The following ACO2 variants were observed in gnomAD, a reference collection of about 807,000 sequenced individuals.
ACO2 encodes the protein aconitate hydratase, mitochondrial.
Under a neutral mutation model 84.5 loss-of-function variants are expected in ACO2, and 31 were observed. The observed-to-expected ratio is 0.37, with a 90% CI of 0.28 to 0.50. The LOEUF (loss-of-function observed/expected upper bound fraction) is 0.50, where lower values mean the gene tolerates loss of function less well. ACO2 is among the 20% of genes least tolerant of loss of function. The pLI, the probability that ACO2 is intolerant of heterozygous loss-of-function variation, is 0.97. For missense variants in ACO2, 685 were observed against 1,029.3 expected (o/e 0.67, Z 4.58); for synonymous variants, 414 against 412.7 (o/e 1.00, Z -0.04).
intron 2 of ACO2, among the ~76,000 whole-genome samples, chr22:41,504,911 G>C (rs2066382037): frequency 6.6e-6 from 1 of 151,290 alleles, no homozygotes; most frequent in Admixed American, 6.6e-5. Context: ...TTTTGTACAG[G>C]TGGAGTTGCC....
chr22:41,517,976 G>C (rs1046293506), intron 7 of ACO2, among the ~76,000 whole-genome samples: 2 of 152,234 alleles, frequency 1.3e-5, no homozygotes, highest in African/African-American at 4.8e-5. Context: ...CGCTTCTGTT[G>C]ATAATTCCTG....
chr22:41,517,516 T>C lies in ACO2; in HGVS notation c.836-11T>C, dbSNP rs1314952610. On this transcript the variant is annotated splice_polypyrimidine_tract_variant and intron_variant, in intron 6 of 17. Transcript: ENST00000216254. ...CCACCAGCCAATGCCCGGGGCTCTG[T>C]TGCTCCACAGGCATGGCGACAATCT... 6.2e-7 allele frequency: 1 copy of C among 1,612,598 alleles called. No homozygotes were observed. The highest frequency in any genetic ancestry group is 1.3e-5 in the African/African-American group (1 of 74,916).
chr22:41,486,716 C>T (rs1181586828), intron 1 of ACO2, among the ~76,000 whole-genome samples: 4 of 151,940 alleles, frequency 2.6e-5, no homozygotes, highest in South Asian at 2.1e-4. Flanking sequence ...GTGATCCGCT[C>T]GCCTCGGCCT....
In ACO2 at chr22:41,499,708, T is replaced by C. The variant is rs768062936; in HGVS notation, c.37-18T>C. On this transcript the variant is annotated intron_variant, in intron 1 of 17. Coordinates refer to ENST00000216254, the MANE Select transcript of ACO2 (RefSeq NM_001098.3). Reference sequence around the variant, plus strand: ...CTAAGTGCTCCATTGACAGTGGCTGTCATGTTTCTTCTTGCAGAAAGCTCT... The same window carrying C: ...CTAAGTGCTCCATTGACAGTGGCTGCCATGTTTCTTCTTGCAGAAAGCTCT... 6.2e-7 allele frequency: 1 copy of C among 1,609,118 alleles called. No individual in the cohort carries two copies. The highest frequency in any genetic ancestry group is 1.7e-5 in the Admixed American group (1 of 59,890).
chr22:41,477,955 C>T (rs562303228), intron 1 of ACO2, among the ~76,000 whole-genome samples: 1 of 151,520 alleles, frequency 6.6e-6, no homozygotes. Context: ...GTCCCAGCTA[C>T]TTGGGAGGCT....
chr22:41,528,232 C>G, intron 17 of ACO2: 1 of 843,386 alleles, frequency 1.2e-6, no homozygotes, highest in Non-Finnish European at 1.8e-6. Context: ...TCCCCAACCT[C>G]CCTTTACTCA....
At position 41,483,171 on chromosome 22, in the gene ACO2, G is replaced by A. The variant is rs376420543; in HGVS notation, c.36+13989G>A. 2.6e-5 allele frequency among the ~76,000 whole-genome samples: 4 copies of A among 152,278 alleles called. No homozygotes were observed. The East Asian group carries it at 7.7e-4, about 29-fold the overall frequency. On this transcript the variant is annotated intron_variant, in intron 1 of 17. Coordinates refer to ENST00000216254, the MANE Select transcript of ACO2 (RefSeq NM_001098.3). ...TGAGGGCCTGGGATTTACCAGTGAG[G>A]ATTTTACAAGGCCTGAGACGTAGGC... is the stretch of plus-strand genomic sequence containing the variant.
Position 41,527,759 on chromosome 22 carries a change from G to C in ACO2, c.2087-142G>C, listed in dbSNP as rs1333010636. On this transcript the variant is annotated intron_variant, in intron 16 of 17. Coordinates refer to ENST00000216254, the MANE Select transcript of ACO2 (RefSeq NM_001098.3). ...GGGGCACCCCTAGTGAAAGGGAGCA[G>C]ACCAGGGCCCCATAGTCACTGCCCG... The C allele has an allele frequency of 1.2e-5, 17 of 1,400,918 alleles. No individual in the cohort carries two copies. In the South Asian group the frequency reaches 1.6e-4, roughly 13 times the overall value. The allele number at this position is 1,400,918 out of a possible 1,614,324, so 86.8% of individuals were successfully genotyped here.
intron 14 of ACO2, chr22:41,525,803 T>C (rs528599785): frequency 5.3e-4 from 108 of 205,172 alleles, no homozygotes; most frequent in Middle Eastern, 1.9e-3. Flanking sequence ...CAAGCCTTTT[T>C]GGTGTGGCCA....
intron 1 of ACO2, among the ~76,000 whole-genome samples, chr22:41,493,000 A>G (rs2066283868): frequency 6.6e-6 from 1 of 152,196 alleles, no homozygotes; most frequent in Non-Finnish European, 1.5e-5. Context: ...GAGGATGGGA[A>G]GTCCGAGATT....
chr22:41,493,199 G>A (rs919365721), intron 1 of ACO2, among the ~76,000 whole-genome samples: 7 of 152,084 alleles, frequency 4.6e-5, no homozygotes, highest in African/African-American at 1.7e-4. Flanking sequence ...TGACCTAATC[G>A]CCTCTTAAAG....
intron 14 of ACO2, 193 bp from the exon 15 acceptor site, chr22:41,526,069 G>C (rs952128208): frequency 4.1e-5 from 23 of 558,244 alleles, no homozygotes; most frequent in Admixed American, 9.3e-5. Context: ...GGGGATGAAG[G>C]CCTGGCCTGA....
chr22:41,527,710 C>G, intron 16 of ACO2, 191 bp from the exon 17 acceptor site: 1 of 937,060 alleles, frequency 1.1e-6, no homozygotes. Context: ...CCTCGCAGAC[C>G]TCAGCACCAG....
At chr22:41,507,591 C>T (rs561986966) in intron 2 of ACO2, among the ~76,000 whole-genome samples, 200 bp from the exon 3 acceptor site, 6 of 152,276 alleles carry the variant, frequency 3.9e-5, no homozygotes, top group Admixed American at 3.9e-4. Flanking sequence ...CTAACAAGTG[C>T]CAGGTGCTGC....
intron 2 of ACO2, among the ~76,000 whole-genome samples, chr22:41,506,283 T>C (rs1282871054): frequency 6.6e-6 from 1 of 151,736 alleles, no homozygotes; most frequent in African/African-American, 2.4e-5. Flanking sequence ...GATAGAGTCT[T>C]GCTCTATTGC....
chr22:41,505,332 G>A (rs2066384997), intron 2 of ACO2, among the ~76,000 whole-genome samples: 2 of 152,012 alleles, frequency 1.3e-5, no homozygotes, highest in Admixed American at 6.6e-5. Flanking sequence ...TGGGAGGATC[G>A]CTTGAGCCTG....
At chr22:41,485,668 C>T (rs2038145626) in intron 1 of ACO2, among the ~76,000 whole-genome samples, 1 of 151,792 alleles carries the variant, frequency 6.6e-6, no homozygotes, top group South Asian at 2.1e-4. Context: ...TGGTCTCGAT[C>T]TCCTGACCTT....
At chr22:41,483,613 C>T (rs907187303) in intron 1 of ACO2, among the ~76,000 whole-genome samples, 3 of 150,960 alleles carry the variant, frequency 2.0e-5, no homozygotes, top group South Asian at 2.1e-4. Context: ...GCCAAGGTTG[C>T]GCCACCGTAT....
chr22:41,491,991 T>C (rs778569229), intron 1 of ACO2, among the ~76,000 whole-genome samples: 1 of 152,102 alleles, frequency 6.6e-6, no homozygotes, highest in Non-Finnish European at 1.5e-5. Flanking sequence ...CTAGAAGAAG[T>C]GATCCATCAC....
Sources: gnomAD v4.1 joint callset for allele counts (sites outside exome capture counted in the v4.1 genomes callset) on GRCh38, gnomAD v4.1.1 for gene constraint, MANE v1.5 for transcripts, NCBI Gene and HGNC (gene_info 2026-07-23, HGNC 2026-07-21) for gene names.